Variants in ELAVL1 observed in about 807,000 individuals in gnomAD.
ELAVL1 encodes the protein ELAV-like protein 1.
Under a neutral mutation model 28.4 loss-of-function variants are expected in ELAVL1, and 1 was observed. The ratio of observed to expected loss-of-function variants is 0.04; its 90% confidence interval spans 0.01 to 0.17. The LOEUF is 0.17. ELAVL1 is among the 10% of genes least tolerant of loss of function. The pLI, the probability that ELAVL1 is intolerant of heterozygous loss-of-function variation, is 1.00. For synonymous variants in ELAVL1, 174 were observed against 183.5 expected (o/e 0.95, Z 0.42); for missense variants, 157 against 447.2 (o/e 0.35, Z 5.85).
chr19:7,997,431 C>T lies in ELAVL1; in HGVS notation c.-16-5600G>A, dbSNP rs778911360. Among the ~76,000 whole-genome samples the T allele has an allele frequency of 9.8e-4, 149 of 152,148 alleles. 1 individual carries two copies. The highest frequency in any genetic ancestry group is 8.1e-4 in the Non-Finnish European group (55 of 68,040). ...TCTTGCCACATCATTTCTGTGCCTT[C>T]CTGGAAAAGGCAAAACCATAGGGAT... On this transcript the variant is annotated intron_variant, in intron 1 of 5. Coordinates refer to ENST00000407627, the MANE Select transcript of ELAVL1 (RefSeq NM_001419.3).
chr19:8,000,511 T>C (rs1444413181), intron 1 of ELAVL1, among the ~76,000 whole-genome samples: 1 of 152,232 alleles, frequency 6.6e-6, no homozygotes, highest in Non-Finnish European at 1.5e-5. Flanking sequence ...CAGTCAAATC[T>C]ATCTTCAGGC....
At chr19:7,999,872 G>A (rs1023379886) in intron 1 of ELAVL1, among the ~76,000 whole-genome samples, 78 of 152,322 alleles carry the variant, frequency 5.1e-4, no homozygotes, top group African/African-American at 1.8e-3. Context: ...CGCCTCCTAG[G>A]TTCAAGTGAT....
rs1410353827 is a variant in ELAVL1, at chr19:7,962,082, C to T, written c.*1401G>A. 6.5e-6 allele frequency: 1 copy of T among 153,674 alleles called. No individual in the cohort carries two copies. The highest frequency in any genetic ancestry group is 1.5e-5 in the Non-Finnish European group (1 of 68,040). The allele number at this position is 153,674 out of a possible 1,614,324, so 9.5% of individuals were successfully genotyped here. A position where few individuals can be genotyped will look rare whatever the true frequency, so the allele number is the denominator to read the frequency against. The stretch of plus-strand genomic sequence containing the variant: ...TATTTCACAGGCTTTCTCTTTCACC[C>T]TTCCTCCGGGCTCCTGGTTTAAAAG... On this transcript the variant is annotated 3_prime_UTR_variant, in exon 6 of 6. Coordinates refer to ENST00000407627, the MANE Select transcript of ELAVL1 (RefSeq NM_001419.3).
At chr19:7,997,218 A>C (rs2081052568) in intron 1 of ELAVL1, among the ~76,000 whole-genome samples, 1 of 152,210 alleles carries the variant, frequency 6.6e-6, no homozygotes, top group African/African-American at 2.4e-5. Flanking sequence ...AGAAAGGAAA[A>C]TCTATATTCA....
rs75687959 is a variant in ELAVL1, at chr19:7,966,883, G to C, written c.656+682C>G. ...ATCCTCCTAACTCGGCCTCCTGAGA[G>C]CTGAGATTACAGGTGTGTGCTCCCC... On this transcript the variant is annotated intron_variant, in intron 5 of 5. Coordinates refer to ENST00000407627, the MANE Select transcript of ELAVL1 (RefSeq NM_001419.3). Among the ~76,000 whole-genome samples the C allele has an allele frequency of 9.5e-3, 1,441 of 152,260 alleles. 77 individuals are homozygous for C. In the East Asian group the frequency reaches 0.14, roughly 15 times the overall value.
intron 1 of ELAVL1, among the ~76,000 whole-genome samples, chr19:8,000,781 G>A (rs895687262): frequency 1.3e-5 from 2 of 152,242 alleles, no homozygotes; most frequent in Non-Finnish European, 2.9e-5. Context: ...CCTGGCTGGA[G>A]CAGCTCCAGC....
In ELAVL1 at chr19:7,969,934, C is replaced by G. The variant is rs187259143; in HGVS notation, c.431-2144G>C. ...ATGGATGTATACTTTCTGAAGATGG[C>G]TCTGCATTTTTTGTTTTTTTCTTCC... is the stretch of plus-strand genomic sequence containing the variant. On this transcript the variant is annotated intron_variant, in intron 4 of 5. Transcript: ENST00000407627. Among the ~76,000 whole-genome samples, 434 of 152,022 alleles carry G rather than the reference C, an allele frequency of 2.9e-3. 1 individual carries two copies. Among genetic ancestry groups the G allele is most frequent in the Non-Finnish European group, 4.7e-3 (316 of 67,942 alleles).
chr19:7,983,898 C>G (rs565388239), intron 2 of ELAVL1, among the ~76,000 whole-genome samples: 2 of 152,176 alleles, frequency 1.3e-5, no homozygotes, highest in Admixed American at 1.3e-4. Context: ...CCTGAGCTTT[C>G]GGCAGCTCAG....
chr19:7,999,329 C>T (rs1432883235), intron 1 of ELAVL1, among the ~76,000 whole-genome samples: 1 of 152,084 alleles, frequency 6.6e-6, no homozygotes, highest in East Asian at 1.9e-4. Flanking sequence ...GTCAAAATCA[C>T]GCCACTGCAC....
chr19:7,991,482 A>G (rs1301939691), intron 2 of ELAVL1, among the ~76,000 whole-genome samples, 162 bp downstream of exon 2: 1 of 152,198 alleles, frequency 6.6e-6, no homozygotes. Flanking sequence ...CTTATACAAG[A>G]GCAATGGACA....
chr19:7,987,425 A>G (rs11880220), intron 2 of ELAVL1, among the ~76,000 whole-genome samples: 35,158 of 152,088 alleles, frequency 0.23, 4,366 homozygotes, highest in Non-Finnish European at 0.28. Flanking sequence ...GGGCAGGACC[A>G]CCGGGCGCTG....
chr19:7,976,131 A>G (rs993909581), intron 3 of ELAVL1, among the ~76,000 whole-genome samples: 2 of 150,670 alleles, frequency 1.3e-5, no homozygotes, highest in African/African-American at 4.9e-5. Flanking sequence ...GGCTGGGCGC[A>G]GTGGCTCATG....
At chr19:7,966,885 TGA>T (rs1444287064) in intron 5 of ELAVL1, among the ~76,000 whole-genome samples, 2 of 152,182 alleles carry the variant, frequency 1.3e-5, no homozygotes, top group Non-Finnish European at 2.9e-5. Context: ...TCCTGAGAGC[TGA>T]GATTACAGGT....
rs752319380 is a variant in ELAVL1 at position 7,963,834 on chromosome 19, C to T, written c.657-27G>A. 1 of 1,605,142 alleles carries T rather than the reference C, an allele frequency of 6.2e-7. No individual in the cohort carries two copies. Among genetic ancestry groups the T allele is most frequent in the Admixed American group, 1.7e-5 (1 of 59,248 alleles). Reference sequence around the variant, plus strand: ...TGGCAGACAGAGAGCAAGCGTCAGGCCACGGTCAGCGCAGGCGGCCTGGGG... The same window carrying T: ...TGGCAGACAGAGAGCAAGCGTCAGGTCACGGTCAGCGCAGGCGGCCTGGGG... On this transcript the variant is annotated intron_variant, in intron 5 of 5. Transcript: ENST00000407627. This position sits in a 1 kb window ranked among gnomAD's most constrained non-coding sequence, Gnocchi z 4.5.
At chr19:8,003,956 A>C (rs1181250250) in intron 1 of ELAVL1, among the ~76,000 whole-genome samples, 1 of 152,132 alleles carries the variant, frequency 6.6e-6, no homozygotes, top group Non-Finnish European at 1.5e-5. Context: ...AGTACAATCG[A>C]GTGGTTAAGA....
chr19:7,973,456 T>G (rs1985180196), intron 4 of ELAVL1: 7 of 502,408 alleles, frequency 1.4e-5, no homozygotes, highest in Non-Finnish European at 2.5e-5. Context: ...GGTCTCCATC[T>G]CCTGACCTCG....
intron 1 of ELAVL1, among the ~76,000 whole-genome samples, chr19:7,997,631 T>A (rs1264222534): frequency 1.3e-5 from 2 of 152,102 alleles, no homozygotes; most frequent in Admixed American, 1.3e-4. Context: ...AAAATGAATT[T>A]TCCTACATGC....
intron 5 of ELAVL1, among the ~76,000 whole-genome samples, chr19:7,966,295 G>A (rs1426230992): frequency 6.6e-6 from 1 of 152,168 alleles, no homozygotes; most frequent in Non-Finnish European, 1.5e-5. Flanking sequence ...TGAGACCTCT[G>A]CTGTTTCTGA....
At chr19:7,980,334 AGACACGAGGCTT>A (rs1309707247) in intron 3 of ELAVL1, among the ~76,000 whole-genome samples, 3 of 152,130 alleles carry the variant, frequency 2.0e-5, no homozygotes, top group Non-Finnish European at 4.4e-5. Context: ...AAGGTCGGAA[AGACACGAGGCTT>A]GATACAGGTG....
Sources: gnomAD v4.1 joint callset for allele counts (sites outside exome capture counted in the v4.1 genomes callset) on GRCh38, gnomAD v4.1.1 for gene constraint, Gnocchi (gnomAD v3.1) non-coding constraint, MANE v1.5 for transcripts, NCBI Gene and HGNC (gene_info 2026-07-23, HGNC 2026-07-21) for gene names.